Variants in MUC6 observed in about 807,000 individuals in gnomAD.
The protein encoded by MUC6 is mucin 6, oligomeric mucus/gel-forming (gene/pseudogene).
Under a neutral mutation model 201.5 loss-of-function variants are expected in MUC6, and 188 were observed. That is an observed-to-expected ratio of 0.93 (90% CI 0.83 to 1.05). The LOEUF is 1.05. MUC6 is among the 50% of genes least tolerant of loss of function. The probability of loss-of-function intolerance (pLI) is 0.00; values close to 1 mark genes in which losing one functional copy is unlikely to be tolerated. For synonymous variants in MUC6, 1,228 were observed against 1,389.4 expected (o/e 0.88, Z 2.58); for missense variants, 2,706 against 3,256.9 (o/e 0.83, Z 4.12).
Position 1,020,692 on chromosome 11 carries a change from G to T in MUC6, c.3632C>A (p.Pro1211His), listed in dbSNP as rs1431614876. 1 of 1,613,582 alleles carries T rather than the reference G, an allele frequency of 6.2e-7. No homozygotes were observed. Among genetic ancestry groups the T allele is most frequent in the Non-Finnish European group, 8.5e-7 (1 of 1,179,848 alleles). Residue 1211 changes from proline to histidine, a missense_variant, in exon 28 of 33, where the codon CCC becomes CAC. Physicochemically the swap from Pro to His is moderately conservative, Grantham distance 77. Around this residue, in one of 10 missense-constraint regions of MUC6, gnomAD observed 1,850 missense variants for 1,958.3 expected, o/e 0.94. Transcript: ENST00000421673. ...AGTGTGCGTGCAATTACCTGTGGTGGGCAGCTGCGGCGTGGTGGGTGGCTG... is the reference window on the plus strand; with the variant it reads ...AGTGTGCGTGCAATTACCTGTGGTGTGCAGCTGCGGCGTGGTGGGTGGCTG... Reference protein sequence around the residue: ...TPQPPTTPQLPTTGSRPTQVW... With the variant: ...TPQPPTTPQLHTTGSRPTQVW...
At position 1,028,683 on chromosome 11, in the gene MUC6, A is replaced by G. The variant is rs1857025267; in HGVS notation, c.1554T>C (p.Tyr518=). 3.7e-6 allele frequency: 6 copies of G among 1,610,802 alleles called. No individual in the cohort carries two copies. Among genetic ancestry groups the G allele is most frequent in the East Asian group, 2.2e-5 (1 of 44,826 alleles). Residue 518 remains tyrosine, a synonymous_variant, in exon 13 of 33, where the codon TAT becomes TAC. Coordinates refer to ENST00000421673, the MANE Select transcript of MUC6 (RefSeq NM_005961.3). ...VVQLRPIFQA[Y]VTVGPQFRGQ... ...CTCTGAACTGGGGCCCAACAGTGAC[A>G]TAGGCCTGGAAGATGGGGCGCAGCT...
In MUC6 at chr11:1,016,726, G is replaced by A. The variant is rs748878687; in HGVS notation, c.6075C>T (p.Ile2025=). The change falls in exon 31 of 33, where the codon ATC becomes ATT. Residue 2025 remains isoleucine, a synonymous_variant. Coordinates refer to ENST00000421673, the MANE Select transcript of MUC6 (RefSeq NM_005961.3). ...SLVTPSTHTV[I]ITTHTQMATS... The stretch of plus-strand genomic sequence containing the variant: ...TGGCCATCTGTGTGTGGGTAGTGAT[G>A]ATGACTGTGTGAGTACTTGGAGTCA... 1.9e-6 allele frequency: 3 copies of A among 1,614,092 alleles called. No homozygotes were observed. The Admixed American group carries it at 5.0e-5, about 27-fold the overall frequency.
At chr11:1,022,974 ATG>A (rs1205212917) in intron 26 of MUC6, among the ~76,000 whole-genome samples, 1 of 151,210 alleles carries the variant, frequency 6.6e-6, no homozygotes, top group Admixed American at 6.6e-5. Context: ...GAGTGCGTGA[ATG>A]TGCATGAATG....
In MUC6 at chr11:1,013,294, C is replaced by A; in HGVS notation, c.*162G>T. The A allele has an allele frequency of 1.5e-6, 1 of 684,618 alleles. No homozygotes were observed. Among genetic ancestry groups the A allele is most frequent in the South Asian group, 1.9e-5 (1 of 51,724 alleles). 42.4% of individuals were successfully genotyped at this position (684,618 alleles called of 1,614,324 possible). A position where few individuals can be genotyped will look rare whatever the true frequency, so the allele number is the denominator to read the frequency against. On this transcript the variant is annotated 3_prime_UTR_variant, in exon 33 of 33. Transcript: ENST00000421673. ...AGTCTGAGCCCCTGCTTGGCAGCCC[C>A]TCTCCAACCGGTGCCCCAGGGAGCC... is the stretch of plus-strand genomic sequence containing the variant.
intron 29 of MUC6, 142 bp from the exon 30 acceptor site, chr11:1,019,638 C>T (rs1241871181): frequency 2.6e-6 from 2 of 761,232 alleles, no homozygotes; most frequent in African/African-American, 1.7e-5. Context: ...TTCCTCTTGC[C>T]TTTGTTAGGT....
chr11:1,023,416 GTGAA>G lies in MUC6; in HGVS notation c.3526+89_3526+92del, dbSNP rs1202231614. 3.0e-5 allele frequency: 43 copies of G among 1,416,650 alleles called. 1 individual carries two copies. Among genetic ancestry groups the G allele is most frequent in the Middle Eastern group, 1.8e-4 (1 of 5,620 alleles). 87.8% of individuals were successfully genotyped at this position (1,416,650 alleles called of 1,614,324 possible). ...TGAATTAATGAGCATGAATGAATGT[GTGAA>G]TGAATGAATGCGTGTGAATGAATGA... On this transcript the variant is annotated intron_variant, in intron 26 of 32. Transcript: ENST00000421673.
chr11:1,035,954 G>C (rs1857206292), intron 1 of MUC6, among the ~76,000 whole-genome samples: 1 of 152,136 alleles, frequency 6.6e-6, no homozygotes, highest in Non-Finnish European at 1.5e-5. Context: ...GGGACTGATG[G>C]TCACCTGCAG....
In MUC6 at chr11:1,029,473, CCCCCT is replaced by C; in HGVS notation, c.1136+17_1136+21del. On this transcript the variant is annotated intron_variant, in intron 9 of 32. Transcript: ENST00000421673. ...TGGAACCCCTGCCGGCCGGCCAGAG[CCCCCT>C]CCGGCGCCTCACTCACCAGGTTTGG... 2 of 1,610,634 alleles carry C rather than the reference CCCCCT, an allele frequency of 1.2e-6. No individual in the cohort carries two copies. The highest frequency in any genetic ancestry group is 1.7e-6 in the Non-Finnish European group (2 of 1,179,336).
chr11:1,033,000 G>T lies in MUC6; in HGVS notation c.115+13C>A, dbSNP rs778512663. 6.3e-7 allele frequency: 1 copy of T among 1,575,796 alleles called. No homozygotes were observed. Among genetic ancestry groups the T allele is most frequent in the Non-Finnish European group, 8.7e-7 (1 of 1,152,290 alleles). ...GGTCTGGGCGGCAGGATCAGTGGCC[G>T]CTGTGTTCTTACCTGTCTGTGGAGA... On this transcript the variant is annotated intron_variant, in intron 2 of 32. Coordinates refer to ENST00000421673, the MANE Select transcript of MUC6 (RefSeq NM_005961.3).
rs769221941 is a variant in MUC6 at position 1,020,700 on chromosome 11, C to T, written c.3624G>A (p.Pro1208=). Residue 1208 remains proline (P), a synonymous_variant, in exon 28 of 33, where the codon CCG becomes CCA. Coordinates refer to ENST00000421673, the MANE Select transcript of MUC6 (RefSeq NM_005961.3). The stretch of plus-strand genomic sequence containing the variant: ...TGCAATTACCTGTGGTGGGCAGCTG[C>T]GGCGTGGTGGGTGGCTGCGGCGTGG... The part of the protein sequence containing the change: ...PPTTPQPPTT[P]QLPTTGSRPT... The T allele has an allele frequency of 1.4e-5, 22 of 1,613,212 alleles. No homozygotes were observed. In the African/African-American group the frequency reaches 1.7e-4, roughly 13 times the overall value.
rs1857082674 is a variant in MUC6 at position 1,030,772 on chromosome 11, G to C, written c.693C>G (p.Ile231Met). ...THVRQAQHAR[I>M]CTQLLTLVAP... ...CCACCAGGGTCAGCAGCTGGGTGCA[G>C]ATCCGGGCCTGGGGGGGCCACTCAG... The change falls in exon 7 of 33, where the codon ATC (isoleucine) becomes ATG (methionine). Residue 231 changes from isoleucine (I) to methionine (M), a missense_variant. Physicochemically the swap from Ile to Met is conservative, Grantham distance 10. This residue lies in a region of MUC6 where 1,850 missense variants were observed against 1,958.3 expected (regional missense o/e 0.94). Transcript: ENST00000421673. 6.5e-7 allele frequency: 1 copy of C among 1,537,344 alleles called. No homozygotes were observed. The highest frequency in any genetic ancestry group is 1.2e-5 in the South Asian group (1 of 84,004).
chr11:1,030,727 G>A lies in MUC6; in HGVS notation c.738C>T (p.Ser246=). The A allele has an allele frequency of 6.5e-7, 1 of 1,544,170 alleles. No individual in the cohort carries two copies. The highest frequency in any genetic ancestry group is 8.7e-7 in the Non-Finnish European group (1 of 1,147,852). The change falls in exon 7 of 33, where the codon TCC becomes TCT. Residue 246 remains serine (S), a synonymous_variant. Coordinates refer to ENST00000421673, the MANE Select transcript of MUC6 (RefSeq NM_005961.3). ...GGCAGCTTAGCACGAAGGGCTCCTT[G>A]GACACGCTGCACTCAGGGGCCACCA... ...LTLVAPECSV[S]KEPFVLSCQA... is the part of the protein sequence containing the mutation.
rs578106146 is a variant in MUC6 at position 1,033,237 on chromosome 11, G to T, written c.53-162C>A. 3 of 656,484 alleles carry T rather than the reference G, an allele frequency of 4.6e-6. No individual in the cohort carries two copies. Among genetic ancestry groups the T allele is most frequent in the East Asian group, 2.7e-5 (1 of 36,590 alleles). 40.7% of individuals were successfully genotyped at this position (656,484 alleles called of 1,614,324 possible). On this transcript the variant is annotated intron_variant, in intron 1 of 32. Transcript: ENST00000421673. This position sits in a 1 kb window ranked among gnomAD's most constrained non-coding sequence, Gnocchi z 5.6. ...TCGAGGCCTCAACAGCAAGCCAAGC[G>T]CTTGGCCTCCCATGCTGTCCTTCAC...
At chr11:1,022,122 C>A (rs1202288283) in intron 26 of MUC6, among the ~76,000 whole-genome samples, 1 of 147,588 alleles carries the variant, frequency 6.8e-6, no homozygotes, top group African/African-American at 2.5e-5. Context: ...GCCCCGCGCC[C>A]CTCACTCGCT....
Position 1,017,257 on chromosome 11 carries a change from C to A in MUC6, c.5544G>T (p.Val1848=). 1 of 1,614,074 alleles carries A rather than the reference C, an allele frequency of 6.2e-7. No homozygotes were observed. The highest frequency in any genetic ancestry group is 8.5e-7 in the Non-Finnish European group (1 of 1,179,876). ...THVPSFSTSL[V]TPSTHTVIIP... is the part of the protein sequence containing the mutation. ...TGATGACCGTGTGAGTACTTGGAGT[C>A]ACCAAGGAGGTGGAGAAAGATGGAA... Residue 1848 remains valine, a synonymous_variant, in exon 31 of 33, where the codon GTG becomes GTT. Transcript: ENST00000421673.
rs1409666832 is a variant in MUC6, at chr11:1,030,256, G to A, written c.972C>T (p.His324=). ...ACVKTCSNPQ[H]SCSSSCTFGC... is the part of the protein sequence containing the mutation. ...CGAAGGTGCAGGAGCTGGAGCAGCT[G>A]TGCTGCGGGTTGGAGCAGGTCTTCA... The change falls in exon 8 of 33, where the codon CAC becomes CAT. Residue 324 remains histidine (H), a synonymous_variant. Coordinates refer to ENST00000421673, the MANE Select transcript of MUC6 (RefSeq NM_005961.3). The A allele has an allele frequency of 2.6e-6, 4 of 1,550,452 alleles. No homozygotes were observed. Among genetic ancestry groups the A allele is most frequent in the Non-Finnish European group, 3.5e-6 (4 of 1,147,340 alleles).
rs370097594 is a variant in MUC6 at position 1,026,421 on chromosome 11, C to T, written c.2452G>A (p.Asp818Asn). 39 of 1,608,744 alleles carry T rather than the reference C, an allele frequency of 2.4e-5. No homozygotes were observed. Among genetic ancestry groups the T allele is most frequent in the South Asian group, 3.3e-5 (3 of 90,752 alleles). The change falls in exon 20 of 33, where the codon GAC (aspartate) becomes AAC (asparagine). Residue 818 changes from aspartate (D) to asparagine (N), a missense_variant. Asp to Asn is a conservative substitution (Grantham distance 23). Around this residue, in one of 10 missense-constraint regions of MUC6, gnomAD observed 1,850 missense variants for 1,958.3 expected, o/e 0.94. Transcript: ENST00000421673. Reference protein sequence around the residue: ...VCAEGLYENADGQCVPPEECP... With the variant: ...VCAEGLYENANGQCVPPEECP... ...TCCTCGGGGGGCACACACTGCCCGT[C>T]GGCATTCTCGTAGAGGCCCTCGGCG...
In MUC6 at chr11:1,016,258, G is replaced by A. The variant is rs1325488505; in HGVS notation, c.6543C>T (p.Ser2181=). 2 of 1,613,058 alleles carry A rather than the reference G, an allele frequency of 1.2e-6. No individual in the cohort carries two copies. The highest frequency in any genetic ancestry group is 2.2e-5 in the East Asian group (1 of 44,886). The change falls in exon 31 of 33, where the codon TCC becomes TCT. Residue 2181 remains serine (S), a synonymous_variant. Coordinates refer to ENST00000421673, the MANE Select transcript of MUC6 (RefSeq NM_005961.3). The part of the protein sequence containing the change: ...HSTTLSSGSH[S]SLSTHPTTAS... ...CAGTCGTGGGATGAGTGGACAATGAGGAGTGTGACCCCGAGCTCAGGGTTG... is the reference window on the plus strand; with the variant it reads ...CAGTCGTGGGATGAGTGGACAATGAAGAGTGTGACCCCGAGCTCAGGGTTG...
intron 7 of MUC6, 77 bp from the exon 8 acceptor site, chr11:1,030,412 A>G (rs1456520053): frequency 1.3e-5 from 14 of 1,112,432 alleles, no homozygotes; most frequent in Non-Finnish European, 1.3e-5. Flanking sequence ...TTGATGGAGG[A>G]CTTAGCCCAG....
Sources: allele counts gnomAD v4.1 joint callset (sites outside exome capture counted in the v4.1 genomes callset), GRCh38; gene constraint gnomAD v4.1.1; regional missense constraint gnomAD v4.1.1; non-coding constraint Gnocchi (gnomAD v3.1); transcripts MANE v1.5; gene names NCBI Gene and HGNC (gene_info 2026-07-23, HGNC 2026-07-21).